SYT1: variants seen among roughly 807,000 people sequenced by gnomAD.
The protein encoded by SYT1 is synaptotagmin-1.
In SYT1, 8 loss-of-function variants were observed where a neutral mutation model predicts 44.8. The ratio of observed to expected loss-of-function variants is 0.18; its 90% CI spans 0.10 to 0.32. SYT1 has a LOEUF of 0.32. Among genes scored for constraint, SYT1 ranks in the 10% least tolerant of loss-of-function variants. The pLI is 1.00. For missense variants in SYT1, 286 were observed against 509.3 expected (o/e 0.56, Z 4.22); for synonymous variants, 154 against 188.8 (o/e 0.82, Z 1.51).
At chr12:79,267,549 T>C (rs1878198053) in intron 4 of SYT1, among the ~76,000 whole-genome samples, 2 of 152,248 alleles carry the variant, frequency 1.3e-5, no homozygotes, top group Admixed American at 6.5e-5. Flanking sequence ...TATGTGTTTT[T>C]AGTTTTGAAC....
chr12:79,128,092 TTAGA>T (rs1565818664), intron 3 of SYT1, among the ~76,000 whole-genome samples: 3 of 151,670 alleles, frequency 2.0e-5, no homozygotes, highest in Non-Finnish European at 2.9e-5. Context: ...GATAGAGAGA[TTAGA>T]TAGATAGAAA....
intron 3 of SYT1, among the ~76,000 whole-genome samples, chr12:79,078,723 G>A (rs917651571): frequency 6.6e-6 from 1 of 152,034 alleles, no homozygotes; most frequent in South Asian, 2.1e-4. Flanking sequence ...GCCCCAGTGT[G>A]TGTTGTTCCC....
At chr12:79,032,337 T>A (rs1467892828) in intron 2 of SYT1, among the ~76,000 whole-genome samples, 1 of 151,142 alleles carries the variant, frequency 6.6e-6, no homozygotes, top group Non-Finnish European at 1.5e-5. Context: ...ATGCACTAAG[T>A]GATATATGAT....
intron 3 of SYT1, among the ~76,000 whole-genome samples, chr12:79,132,244 T>C (rs1868871615): frequency 6.6e-6 from 1 of 151,982 alleles, no homozygotes; most frequent in South Asian, 2.1e-4. Flanking sequence ...AGGTCAGAAA[T>C]TTGAGGCAAA....
chr12:78,893,637 C>T (rs953009698), intron 1 of SYT1, among the ~76,000 whole-genome samples: 1 of 151,736 alleles, frequency 6.6e-6, no homozygotes, highest in Non-Finnish European at 1.5e-5. Flanking sequence ...TCTGCTTACA[C>T]TAGGCCAGTA....
intron 9 of SYT1, among the ~76,000 whole-genome samples, chr12:79,435,441 C>T (rs1260738596): frequency 3.3e-5 from 5 of 152,114 alleles, no homozygotes; most frequent in Non-Finnish European, 7.4e-5. Flanking sequence ...AGAGCTGGGA[C>T]TACAGGAGTG....
chr12:79,214,848 C>T (rs1341111447), intron 3 of SYT1, among the ~76,000 whole-genome samples: 2 of 151,990 alleles, frequency 1.3e-5, no homozygotes, highest in African/African-American at 2.4e-5. Flanking sequence ...CTATCCTGTA[C>T]AGAGATAAGT....
chr12:79,445,247 T>C (rs1870642350), intron 10 of SYT1, among the ~76,000 whole-genome samples: 1 of 152,114 alleles, frequency 6.6e-6, no homozygotes, highest in South Asian at 2.1e-4. Context: ...ATATAATGTA[T>C]TGTAATCAAA....
rs1450117902 is a variant in SYT1, at chr12:79,438,646, AGT to A, written c.929-5426_929-5425del. The stretch of plus-strand genomic sequence containing the variant: ...GTTGCTCATAGACTGGAGCTGATCA[AGT>A]AATTACAAAACCAGTCAAACAAGGT... On this transcript the variant is annotated intron_variant, in intron 9 of 10. Coordinates refer to ENST00000261205, the MANE Select transcript of SYT1 (RefSeq NM_005639.3). Among the ~76,000 whole-genome samples the A allele has an allele frequency of 5.1e-4, 77 of 152,322 alleles. 1 individual carries two copies. The highest frequency in any genetic ancestry group is 9.8e-4 in the Admixed American group (15 of 15,296).
chr12:78,932,022 C>G (rs985096928), intron 1 of SYT1, among the ~76,000 whole-genome samples: 3 of 152,212 alleles, frequency 2.0e-5, no homozygotes, highest in African/African-American at 7.2e-5. Flanking sequence ...GCTGGTGTAT[C>G]AGTGCAGTCT....
chr12:79,105,164 C>T (rs1878645090), intron 3 of SYT1, among the ~76,000 whole-genome samples: 1 of 152,170 alleles, frequency 6.6e-6, no homozygotes, highest in African/African-American at 2.4e-5. Context: ...AATTCTAGCT[C>T]TTCCACCTCC....
chr12:78,958,337 CCT>C (rs1463198391), intron 1 of SYT1, among the ~76,000 whole-genome samples: 2 of 151,508 alleles, frequency 1.3e-5, no homozygotes, highest in East Asian at 1.9e-4. Context: ...CTTTTTTTCC[CCT>C]GTTTATATAA....
At chr12:79,084,985 A>T (rs969234394) in intron 3 of SYT1, among the ~76,000 whole-genome samples, 3 of 152,124 alleles carry the variant, frequency 2.0e-5, no homozygotes, top group African/African-American at 7.2e-5. Flanking sequence ...TAAACACAAG[A>T]TTCATTTATA....
chr12:79,173,006 A>AAAAG (rs1871633460), intron 3 of SYT1, among the ~76,000 whole-genome samples: 7 of 137,358 alleles, frequency 5.1e-5, no homozygotes, highest in East Asian at 2.0e-4. Context: ...AAAAAAAAAA[A>AAAAG]GGGAGTTTGG....
chr12:79,166,951 G>A (rs1871256069), intron 3 of SYT1, among the ~76,000 whole-genome samples: 1 of 151,986 alleles, frequency 6.6e-6, no homozygotes, highest in South Asian at 2.1e-4. Context: ...GTGCTGTTTT[G>A]TAAATCACCT....
At chr12:78,874,932 GTAGA>G (rs938650182) in intron 1 of SYT1, among the ~76,000 whole-genome samples, 4 of 151,698 alleles carry the variant, frequency 2.6e-5, no homozygotes, top group African/African-American at 9.6e-5. Context: ...ATGCAGAAGG[GTAGA>G]TAGTCTTTAT....
At chr12:78,924,506 C>T (rs1877190285) in intron 1 of SYT1, among the ~76,000 whole-genome samples, 1 of 150,918 alleles carries the variant, frequency 6.6e-6, no homozygotes, top group Admixed American at 6.7e-5. Context: ...GTCGAGTTTC[C>T]ACCTGAAAAA....
At chr12:79,023,758 T>C (rs1267385977) in intron 2 of SYT1, among the ~76,000 whole-genome samples, 2 of 151,832 alleles carry the variant, frequency 1.3e-5, no homozygotes, top group Non-Finnish European at 2.9e-5. Context: ...GTTTCTGTTA[T>C]CTCATTTGCT....
At chr12:79,065,447 A>G (rs930053994) in intron 3 of SYT1, among the ~76,000 whole-genome samples, 1 of 152,172 alleles carries the variant, frequency 6.6e-6, no homozygotes, top group Non-Finnish European at 1.5e-5. Flanking sequence ...CATGCATATC[A>G]GAGGATGCTT....
Sources: allele counts gnomAD v4.1 joint callset (sites outside exome capture counted in the v4.1 genomes callset), GRCh38; gene constraint gnomAD v4.1.1; transcripts MANE v1.5; gene names NCBI Gene and HGNC (gene_info 2026-07-23, HGNC 2026-07-21).